The following TUSC3 variants were observed in gnomAD, a reference collection of about 807,000 sequenced individuals.
The protein encoded by TUSC3 is dolichyl-diphosphooligosaccharide--protein glycosyltransferase subunit TUSC3.
Under a neutral mutation model 44.8 loss-of-function variants are expected in TUSC3, and 45 were observed. The observed-to-expected ratio is 1.00, with a 90% CI of 0.79 to 1.29. The LOEUF (loss-of-function observed/expected upper bound fraction) is 1.29. TUSC3 is among the 50% of genes most tolerant of loss of function. The pLI is 0.00. For synonymous variants in TUSC3, 212 were observed against 152.9 expected (o/e 1.39, Z -2.85); for missense variants, 519 against 437.9 (o/e 1.19, Z -1.65).
intron 1 of TUSC3, among the ~76,000 whole-genome samples, chr8:15,438,343 G>T (rs975078019): frequency 3.3e-5 from 5 of 152,180 alleles, no homozygotes; most frequent in African/African-American, 1.2e-4. Flanking sequence ...TGGTCCGCCT[G>T]CCTCGGCCCC....
intron 1 of TUSC3, among the ~76,000 whole-genome samples, chr8:15,555,483 C>T (rs1260865619): frequency 6.7e-6 from 1 of 150,238 alleles, no homozygotes; most frequent in Non-Finnish European, 1.5e-5. Context: ...ATTGTAGAGA[C>T]GAAGTCTCCC....
the TUSC3 span, among the ~76,000 whole-genome samples, chr8:15,831,138 A>C: frequency 6.6e-6 from 1 of 152,196 alleles, no homozygotes; most frequent in South Asian, 2.1e-4. Flanking sequence ...GATGGAGCGC[A>C]AAACAAGTCC....
intron 1 of TUSC3, among the ~76,000 whole-genome samples, chr8:15,475,091 G>A (rs1275692155): frequency 1.3e-5 from 2 of 152,038 alleles, no homozygotes; most frequent in African/African-American, 4.8e-5. Context: ...ACAGTTTGCT[G>A]CTACATGATA....
chr8:15,727,214 A>C (rs1810530520), intron 6 of TUSC3, among the ~76,000 whole-genome samples: 1 of 152,174 alleles, frequency 6.6e-6, no homozygotes, highest in Non-Finnish European at 1.5e-5. Context: ...ATTTTAGGTG[A>C]ATTAAGTCAT....
At chr8:15,617,963 A>C (rs1422285410) in intron 1 of TUSC3, among the ~76,000 whole-genome samples, 1 of 152,236 alleles carries the variant, frequency 6.6e-6, no homozygotes, top group Non-Finnish European at 1.5e-5. Context: ...AGCTGTACAC[A>C]ATAGTACTCT....
At chr8:15,642,972 C>T (rs373914557) in intron 2 of TUSC3, among the ~76,000 whole-genome samples, 17 of 152,194 alleles carry the variant, frequency 1.1e-4, no homozygotes, top group African/African-American at 3.9e-4. Flanking sequence ...GTAAATGATA[C>T]GGCTTGACTG....
the TUSC3 span, among the ~76,000 whole-genome samples, chr8:15,835,874 T>A: frequency 2.6e-5 from 4 of 152,088 alleles, no homozygotes; most frequent in African/African-American, 9.7e-5. Flanking sequence ...AATTTTCTGA[T>A]ATTGATGTAT....
rs1184551177 is a variant in TUSC3 at position 15,662,074 on chromosome 8, G to A, written c.568-82G>A. ...GGCATGTTTCTGAGTTCTTTGCGTT[G>A]AAAATTATGAGGACTAGAATATGAT... On this transcript the variant is annotated intron_variant, in intron 4 of 10. Coordinates refer to ENST00000503731, the MANE Select transcript of TUSC3 (RefSeq NM_006765.4). The A allele has an allele frequency of 2.0e-6, 3 of 1,516,808 alleles. No homozygotes were observed. In the Admixed American group the frequency reaches 5.4e-5, roughly 27 times the overall value. 94.0% of individuals were successfully genotyped at this position (1,516,808 alleles called of 1,614,324 possible).
chr8:15,672,817 AT>A (rs1563165390), intron 5 of TUSC3, among the ~76,000 whole-genome samples: 2 of 151,994 alleles, frequency 1.3e-5, no homozygotes, highest in African/African-American at 4.8e-5. Context: ...AAACTAGAAT[AT>A]TTAGACTCCC....
intron 6 of TUSC3, among the ~76,000 whole-genome samples, chr8:15,703,378 T>A (rs891766791): frequency 6.6e-6 from 1 of 152,258 alleles, no homozygotes; most frequent in East Asian, 1.9e-4. Context: ...TCTTCAAATT[T>A]AATGTACTTT....
intron 2 of TUSC3, among the ~76,000 whole-genome samples, chr8:15,517,598 G>A (rs1801236937): frequency 7.1e-6 from 1 of 140,996 alleles, no homozygotes; most frequent in Admixed American, 7.2e-5. Flanking sequence ...GCTGTTGGAT[G>A]AGTGTACTTC....
At position 15,455,431 on chromosome 8, in the gene TUSC3, A is replaced by C. The variant is rs1800242420; in HGVS notation, n.92-27955A>C. The stretch of plus-strand genomic sequence containing the variant: ...TATACACATACACACCTATGTATAC[A>C]CGTATATGTATACACACCTATGTAT... On this transcript the variant is annotated intron_variant and non_coding_transcript_variant, in intron 1 of 5. Transcript: ENST00000503191. 2.0e-5 allele frequency among the ~76,000 whole-genome samples: 3 copies of C among 152,250 alleles called. 1 individual carries two copies. The South Asian group carries it at 6.2e-4, about 32-fold the overall frequency.
At chr8:15,530,020 C>A (rs1321145808) in intron 2 of TUSC3, among the ~76,000 whole-genome samples, 1 of 130,194 alleles carries the variant, frequency 7.7e-6, no homozygotes, top group South Asian at 2.3e-4. Flanking sequence ...CTCCTGACCT[C>A]GTGATCCACC....
chr8:15,740,748 C>T (rs1031407347), intron 7 of TUSC3, among the ~76,000 whole-genome samples: 1 of 152,144 alleles, frequency 6.6e-6, no homozygotes, highest in Non-Finnish European at 1.5e-5. Context: ...TGAAAATACA[C>T]TTACCAAACC....
At chr8:15,643,406 A>G (rs914289409) in intron 2 of TUSC3, among the ~76,000 whole-genome samples, 8 of 128,620 alleles carry the variant, frequency 6.2e-5, no homozygotes, top group Non-Finnish European at 1.1e-4. Flanking sequence ...TGTTACTGTT[A>G]GTTGTTTTTT....
chr8:15,551,057 G>C (rs1802045374), intron 1 of TUSC3, among the ~76,000 whole-genome samples: 1 of 151,766 alleles, frequency 6.6e-6, no homozygotes, highest in South Asian at 2.1e-4. Flanking sequence ...TCTTGGGAAA[G>C]TCACTTAACC....
chr8:15,717,535 T>G (rs1049313670), intron 6 of TUSC3, among the ~76,000 whole-genome samples: 3 of 152,114 alleles, frequency 2.0e-5, no homozygotes, highest in African/African-American at 7.2e-5. Flanking sequence ...TCTATTAATT[T>G]CCTTGTCACA....
chr8:15,654,161 G>C (rs987735036), intron 3 of TUSC3, among the ~76,000 whole-genome samples: 2 of 152,170 alleles, frequency 1.3e-5, no homozygotes, highest in African/African-American at 4.8e-5. Flanking sequence ...TTAGGTCTTA[G>C]TATGGATTTT....
chr8:15,659,783 C>A, intron 4 of TUSC3, 136 bp downstream of exon 4: 1 of 1,122,808 alleles, frequency 8.9e-7, no homozygotes, highest in Non-Finnish European at 1.3e-6. Flanking sequence ...TGTTCGATTA[C>A]TGCAAATGAT....
Sources: allele counts gnomAD v4.1 joint callset (sites outside exome capture counted in the v4.1 genomes callset), GRCh38; gene constraint gnomAD v4.1.1; transcripts MANE v1.5; gene names NCBI Gene and HGNC (gene_info 2026-07-23, HGNC 2026-07-21).